The following ST8SIA5 variants were observed in gnomAD, a reference collection of about 807,000 sequenced individuals.
ST8SIA5 encodes alpha-2,8-sialyltransferase 8E.
In ST8SIA5, 24 loss-of-function variants were observed where a neutral mutation model predicts 40.2. The ratio of observed to expected loss-of-function variants is 0.60; its 90% CI spans 0.43 to 0.84. ST8SIA5 has a LOEUF of 0.84. Among genes scored for constraint, ST8SIA5 ranks in the 40% least tolerant of loss-of-function variants. ST8SIA5 has a pLI of 0.00. For synonymous variants in ST8SIA5, 198 were observed against 201.8 expected (o/e 0.98, Z 0.16); for missense variants, 465 against 498.5 (o/e 0.93, Z 0.64).
chr18:46,741,426 A>C (rs775912106), intron 1 of ST8SIA5, among the ~76,000 whole-genome samples: 2 of 152,214 alleles, frequency 1.3e-5, no homozygotes. Context: ...TTAGGTGCAG[A>C]TGGTTGTAGA....
At position 46,676,280 on chromosome 18, in the gene ST8SIA5, T is replaced by C. The variant is rs1442005502; in HGVS notation, c.*3762A>G. ...TCAGCACAACCAGCTCCCACGTACG[T>C]TTGTGGGATTCGTCATTTAACGTCT... On this transcript the variant is annotated 3_prime_UTR_variant, in exon 7 of 7. Coordinates refer to ENST00000315087, the MANE Select transcript of ST8SIA5 (RefSeq NM_013305.6). 6.6e-6 allele frequency: 1 copy of C among 152,078 alleles called. No individual in the cohort carries two copies. Among genetic ancestry groups the C allele is most frequent in the Non-Finnish European group, 1.5e-5 (1 of 68,008 alleles). The allele number at this position is 152,078 out of a possible 1,614,324, so 9.4% of individuals were successfully genotyped here. A position where few individuals can be genotyped will look rare whatever the true frequency, so the allele number is the denominator to read the frequency against.
rs138732058 is a variant in ST8SIA5, at chr18:46,711,527, T to A, written c.132-6863A>T. Among the ~76,000 whole-genome samples, 992 of 151,146 alleles carry A rather than the reference T, an allele frequency of 6.6e-3. 9 individuals carry two copies. The highest frequency in any genetic ancestry group is 0.022 in the African/African-American group (921 of 41,120). On this transcript the variant is annotated intron_variant, in intron 1 of 6. Coordinates refer to ENST00000315087, the MANE Select transcript of ST8SIA5 (RefSeq NM_013305.6). ...CTGACAGCCATCGTTCTCTGGGGGG[T>A]TTTCTCAGTCAGCAGCCCTTCCCCC...
In ST8SIA5 at chr18:46,668,440, A is replaced by C. The variant is rs1337014820; in HGVS notation, c.*11602T>G. On this transcript the variant is annotated 3_prime_UTR_variant, in exon 7 of 7. Coordinates refer to ENST00000315087, the MANE Select transcript of ST8SIA5 (RefSeq NM_013305.6). ...GCTGAAGCCACTCCCAGGCACAGCC[A>C]CAGGCACCTGGCTCCAGGGCAAAAG... is the stretch of plus-strand genomic sequence containing the variant. 6.6e-6 allele frequency: 1 copy of C among 152,486 alleles called. No individual in the cohort carries two copies. The highest frequency in any genetic ancestry group is 1.5e-5 in the Non-Finnish European group (1 of 68,048). The allele number at this position is 152,486 out of a possible 1,614,324, so 9.4% of individuals were successfully genotyped here.
chr18:46,688,659 A>G, intron 4 of ST8SIA5, 116 bp downstream of exon 4: 1 of 1,343,838 alleles, frequency 7.4e-7, no homozygotes, highest in Non-Finnish European at 1.0e-6. Flanking sequence ...GACCAAGACA[A>G]CTGAGTCCAG....
At chr18:46,739,460 G>T (rs1234572844) in intron 1 of ST8SIA5, among the ~76,000 whole-genome samples, 1 of 152,174 alleles carries the variant, frequency 6.6e-6, no homozygotes, top group Non-Finnish European at 1.5e-5. Context: ...CTTGAACCCG[G>T]GAGGCGGAGG....
chr18:46,740,443 G>T (rs1253289577), intron 1 of ST8SIA5, among the ~76,000 whole-genome samples: 1 of 152,076 alleles, frequency 6.6e-6, no homozygotes, highest in East Asian at 1.9e-4. Flanking sequence ...TTTCTAAGTA[G>T]AAGACAGAGA....
intron 1 of ST8SIA5, among the ~76,000 whole-genome samples, chr18:46,727,718 T>C (rs1320272648): frequency 1.3e-5 from 2 of 152,138 alleles, no homozygotes; most frequent in African/African-American, 2.4e-5. Flanking sequence ...CCTGCCCAGA[T>C]ATTGTGAAGA....
At chr18:46,690,653 G>A (rs1336270135) in intron 3 of ST8SIA5, among the ~76,000 whole-genome samples, 7 of 130,170 alleles carry the variant, frequency 5.4e-5, no homozygotes, top group African/African-American at 1.5e-4. Flanking sequence ...TCGCTCTGTC[G>A]CCCAGGCTGG....
In ST8SIA5 at chr18:46,675,303, T is replaced by C. The variant is rs12962535; in HGVS notation, c.*4739A>G. ...TGTGCAACACTATTTCACTTAGCTT[T>C]GCAACAGCTGTTGTGGTTGGTATCC... On this transcript the variant is annotated 3_prime_UTR_variant, in exon 7 of 7. Transcript: ENST00000315087. 26,082 of 152,172 alleles carry C rather than the reference T, an allele frequency of 0.17. 2,755 individuals are homozygous for C. Among genetic ancestry groups the C allele is most frequent in the East Asian group, 0.49 (2,512 of 5,168 alleles). The allele number at this position is 152,172 out of a possible 1,614,324, so 9.4% of individuals were successfully genotyped here. A position where few individuals can be genotyped will look rare whatever the true frequency, so the allele number is the denominator to read the frequency against.
At chr18:46,713,662 TAAG>T (rs1254369081) in intron 1 of ST8SIA5, among the ~76,000 whole-genome samples, 3 of 151,826 alleles carry the variant, frequency 2.0e-5, no homozygotes, top group Admixed American at 6.6e-5. Flanking sequence ...ACATGGAAGC[TAAG>T]AGGAGGGAGC....
intron 1 of ST8SIA5, among the ~76,000 whole-genome samples, chr18:46,714,765 G>T (rs1316620721): frequency 6.6e-6 from 1 of 152,208 alleles, no homozygotes; most frequent in Non-Finnish European, 1.5e-5. Context: ...CACTCAGGGA[G>T]TTACAGAGCC....
chr18:46,703,317 T>G (rs1343910991), intron 2 of ST8SIA5, among the ~76,000 whole-genome samples: 1 of 152,018 alleles, frequency 6.6e-6, no homozygotes, highest in African/African-American at 2.4e-5. Flanking sequence ...GGCTAATTTT[T>G]TGTGTTTTTT....
chr18:46,683,801 C>T (rs904751269), intron 5 of ST8SIA5, among the ~76,000 whole-genome samples: 1 of 152,000 alleles, frequency 6.6e-6, no homozygotes, highest in Non-Finnish European at 1.5e-5. Flanking sequence ...TGTGGCATGC[C>T]AGGAACTTTC....
At chr18:46,747,527 T>A (rs904534909) in intron 1 of ST8SIA5, among the ~76,000 whole-genome samples, 13 of 152,138 alleles carry the variant, frequency 8.5e-5, no homozygotes, top group Non-Finnish European at 1.5e-4. Context: ...TGAGATACCA[T>A]CTCACACCAG....
At chr18:46,723,676 A>G (rs1175900371) in intron 1 of ST8SIA5, among the ~76,000 whole-genome samples, 6 of 152,256 alleles carry the variant, frequency 3.9e-5, no homozygotes, top group African/African-American at 1.4e-4. Flanking sequence ...CTGTAATCCC[A>G]GCACTTTGGA....
At chr18:46,701,975 C>T (rs4513191) in intron 2 of ST8SIA5, among the ~76,000 whole-genome samples, 27,203 of 151,840 alleles carry the variant, frequency 0.18, 2,487 homozygotes, top group South Asian at 0.24. Flanking sequence ...ATGAAACCCC[C>T]GTATCTACTA....
Position 46,675,760 on chromosome 18 carries a change from A to T in ST8SIA5, c.*4282T>A, listed in dbSNP as rs2039335343. ...CAGAAGAGGAGAGGACTTTAGAAAG[A>T]CCAGAGAGACTGTGCATAGTGGCTC... On this transcript the variant is annotated 3_prime_UTR_variant, in exon 7 of 7. Transcript: ENST00000315087. 6.6e-6 allele frequency: 1 copy of T among 152,176 alleles called. No individual in the cohort carries two copies. Among genetic ancestry groups the T allele is most frequent in the African/African-American group, 2.4e-5 (1 of 41,406 alleles). The allele number at this position is 152,176 out of a possible 1,614,324, so 9.4% of individuals were successfully genotyped here.
chr18:46,689,089 C>T (rs1019311468), intron 3 of ST8SIA5, 170 bp from the exon 4 acceptor site: 24 of 694,470 alleles, frequency 3.5e-5, no homozygotes, highest in Non-Finnish European at 5.2e-5. Context: ...CCCACCCATC[C>T]CACACACATC....
chr18:46,711,499 ACT>A (rs1421705124), intron 1 of ST8SIA5, among the ~76,000 whole-genome samples: 2 of 151,978 alleles, frequency 1.3e-5, no homozygotes, highest in African/African-American at 4.8e-5. Context: ...CCTCTCCCTG[ACT>A]CTGACAGCCA....
Sources: gnomAD v4.1 joint callset for allele counts (sites outside exome capture counted in the v4.1 genomes callset) on GRCh38, gnomAD v4.1.1 for gene constraint, MANE v1.5 for transcripts, NCBI Gene and HGNC (gene_info 2026-07-23, HGNC 2026-07-21) for gene names.